The following GRM7 variants were observed in gnomAD, a reference collection of about 807,000 sequenced individuals.
The protein encoded by GRM7 is metabotropic glutamate receptor 7.
In GRM7, 35 loss-of-function variants were observed where a neutral mutation model predicts 84.5. That is an observed-to-expected ratio of 0.41 (90% confidence interval 0.32 to 0.55). The LOEUF is 0.55. Among genes scored for constraint, GRM7 ranks in the 20% least tolerant of loss-of-function variants. GRM7 has a pLI of 0.19. For synonymous variants in GRM7, 487 were observed against 455.1 expected, an observed-to-expected ratio of 1.07 and a Z score of -0.89; for missense variants, 1,003 against 1,194.6, an observed-to-expected ratio of 0.84 and a Z score of 2.36.
At chr3:7,031,716 C>T (rs1040945499) in intron 1 of GRM7, among the ~76,000 whole-genome samples, 4 of 151,934 alleles carry the variant, frequency 2.6e-5, no homozygotes, top group East Asian at 1.9e-4. Flanking sequence ...ATTGTATGTT[C>T]AGGTGTTAAT....
rs73810668 is a variant in GRM7 at position 7,497,168 on chromosome 3, G to C, written c.1515+35446G>C. Among the ~76,000 whole-genome samples the C allele has an allele frequency of 6.4e-3, 976 of 152,036 alleles. 12 individuals are homozygous for C. Among genetic ancestry groups the C allele is most frequent in the African/African-American group, 0.023 (935 of 41,502 alleles). The stretch of plus-strand genomic sequence containing the variant: ...GTCATGAAGTGGCCATCATGATTAG[G>C]GCCAGGCTTTGGAAGTCTGAGAGCC... On this transcript the variant is annotated intron_variant, in intron 7 of 9. Transcript: ENST00000357716.
chr3:7,018,856 G>A (rs921335909), intron 1 of GRM7, among the ~76,000 whole-genome samples: 17 of 152,210 alleles, frequency 1.1e-4, no homozygotes, highest in African/African-American at 2.4e-4. Flanking sequence ...TAGTACTTTG[G>A]GAGGGCGAGG....
chr3:6,993,195 A>G (rs1190758692), intron 1 of GRM7, among the ~76,000 whole-genome samples: 2 of 152,232 alleles, frequency 1.3e-5, no homozygotes, highest in African/African-American at 2.4e-5. Context: ...ACTTACTATC[A>G]TGAGAATCCC....
At chr3:7,637,640 A>T (rs990044376) in intron 8 of GRM7, among the ~76,000 whole-genome samples, 1 of 152,206 alleles carries the variant, frequency 6.6e-6, no homozygotes, top group Non-Finnish European at 1.5e-5. Flanking sequence ...CATGACATGG[A>T]GTCATTTTAC....
At chr3:7,116,877 A>G (rs147606582) in intron 1 of GRM7, among the ~76,000 whole-genome samples, 470 of 152,266 alleles carry the variant, frequency 3.1e-3, no homozygotes, top group Middle Eastern at 0.01. Flanking sequence ...TCAAGTTTCA[A>G]TTGCTATAGA....
chr3:7,047,155 T>C (rs1182330390), intron 1 of GRM7, among the ~76,000 whole-genome samples: 1 of 151,990 alleles, frequency 6.6e-6, no homozygotes, highest in Non-Finnish European at 1.5e-5. Flanking sequence ...ATAAAGTTTG[T>C]TGGAAAATAA....
At chr3:7,391,603 A>G (rs1694997873) in intron 4 of GRM7, among the ~76,000 whole-genome samples, 1 of 152,132 alleles carries the variant, frequency 6.6e-6, no homozygotes, top group Non-Finnish European at 1.5e-5. Flanking sequence ...AGATATACCT[A>G]ATGTAAATGA....
At chr3:7,174,169 A>T (rs572016236) in intron 2 of GRM7, among the ~76,000 whole-genome samples, 2 of 152,240 alleles carry the variant, frequency 1.3e-5, no homozygotes, top group East Asian at 3.9e-4. Flanking sequence ...CACTTAAAAA[A>T]CTTAGTGATG....
intron 2 of GRM7, among the ~76,000 whole-genome samples, chr3:7,193,337 T>C (rs1232910434): frequency 1.3e-5 from 2 of 152,132 alleles, no homozygotes; most frequent in African/African-American, 4.8e-5. Flanking sequence ...GCTTATTGGA[T>C]TTCATTAATT....
intron 2 of GRM7, among the ~76,000 whole-genome samples, chr3:7,170,803 A>G (rs1011753150): frequency 5.9e-5 from 9 of 152,140 alleles, no homozygotes; most frequent in Non-Finnish European, 1.3e-4. Flanking sequence ...GTTACAAAGG[A>G]AATACTTGAT....
At chr3:7,319,801 CTT>C (rs906710002) in intron 4 of GRM7, among the ~76,000 whole-genome samples, 14 of 152,046 alleles carry the variant, frequency 9.2e-5, no homozygotes, top group African/African-American at 2.6e-4. Context: ...TTTAAAGACA[CTT>C]ATTTTTGTAT....
chr3:7,022,406 C>T (rs991759583), intron 1 of GRM7, among the ~76,000 whole-genome samples: 13 of 147,224 alleles, frequency 8.8e-5, no homozygotes, highest in Non-Finnish European at 1.8e-4. Context: ...ATGATATCTC[C>T]ATATAGTGCC....
chr3:7,243,550 A>T, intron 2 of GRM7, among the ~76,000 whole-genome samples: 1 of 152,124 alleles, frequency 6.6e-6, no homozygotes, highest in East Asian at 1.9e-4. Flanking sequence ...CTGACATCTC[A>T]TTGGTTCTGA....
chr3:6,903,875 A>T (rs1696478806), intron 1 of GRM7, among the ~76,000 whole-genome samples: 1 of 152,188 alleles, frequency 6.6e-6, no homozygotes, highest in African/African-American at 2.4e-5. Context: ...GATGCTAATG[A>T]GGTTGAGTCT....
chr3:7,601,181 T>C (rs1186881311), intron 8 of GRM7, among the ~76,000 whole-genome samples: 1 of 152,176 alleles, frequency 6.6e-6, no homozygotes, highest in Non-Finnish European at 1.5e-5. Context: ...TAGAGAAGCA[T>C]GTATATATAA....
intron 1 of GRM7, among the ~76,000 whole-genome samples, chr3:7,065,488 T>C (rs113705793): frequency 6.6e-6 from 1 of 152,070 alleles, no homozygotes; most frequent in Non-Finnish European, 1.5e-5. Flanking sequence ...TTGTCAAAGA[T>C]CAATTGGCTG....
intron 1 of GRM7, among the ~76,000 whole-genome samples, chr3:6,988,681 T>C (rs1694518884): frequency 1.3e-5 from 2 of 152,312 alleles, no homozygotes; most frequent in South Asian, 4.1e-4. Flanking sequence ...GCAATAGAAA[T>C]TGAAGCCTTA....
chr3:7,364,370 T>C (rs1693791353), intron 4 of GRM7, among the ~76,000 whole-genome samples: 1 of 151,876 alleles, frequency 6.6e-6, no homozygotes, highest in African/African-American at 2.4e-5. Context: ...TGTTTGTTTT[T>C]TAAGTTTATG....
intron 2 of GRM7, among the ~76,000 whole-genome samples, chr3:7,239,585 A>G (rs999843703): frequency 6.6e-6 from 1 of 152,066 alleles, no homozygotes; most frequent in African/African-American, 2.4e-5. Context: ...ATGTTTCCGG[A>G]TGAGATTAGC....
Sources: gnomAD v4.1 joint callset for allele counts (sites outside exome capture counted in the v4.1 genomes callset) on GRCh38, gnomAD v4.1.1 for gene constraint, MANE v1.5 for transcripts, NCBI Gene and HGNC (gene_info 2026-07-23, HGNC 2026-07-21) for gene names.